Variants in SPRED1 observed in about 807,000 individuals in gnomAD.
SPRED1 encodes the protein sprouty related EVH1 domain containing 1.
A neutral mutation model predicts 52.3 loss-of-function variants in SPRED1; 18 were observed. The ratio of observed to expected loss-of-function variants is 0.34; its 90% confidence interval spans 0.24 to 0.51. SPRED1 has a LOEUF of 0.51. Ranked by LOEUF, SPRED1 falls within the 20% of genes least tolerant of loss-of-function variation. SPRED1 has a pLI of 0.97. For synonymous variants in SPRED1, 155 were observed against 179.7 expected, an observed-to-expected ratio of 0.86 and a Z score of 1.10; for missense variants, 485 against 551.0, an observed-to-expected ratio of 0.88 and a Z score of 1.20.
chr15:38,349,823 C>A (rs1405079780), intron 6 of SPRED1, among the ~76,000 whole-genome samples: 2 of 152,268 alleles, frequency 1.3e-5, no homozygotes, highest in East Asian at 3.9e-4. Flanking sequence ...TTTCTTAGCC[C>A]TAATTCCATG....
intron 1 of SPRED1, among the ~76,000 whole-genome samples, chr15:38,269,601 A>G (rs1030847826): frequency 1.3e-5 from 2 of 151,990 alleles, no homozygotes; most frequent in Admixed American, 1.3e-4. Flanking sequence ...AATGTTTGTT[A>G]CTTTACTGAA....
intron 4 of SPRED1, among the ~76,000 whole-genome samples, chr15:38,338,062 A>AG (rs1462737528): frequency 1.3e-5 from 2 of 149,002 alleles, no homozygotes; most frequent in East Asian, 3.9e-4. Flanking sequence ...AAAAAAAAAA[A>AG]ATAGCTGGGC....
At chr15:38,270,270 C>G (rs550890899) in intron 1 of SPRED1, among the ~76,000 whole-genome samples, 5 of 152,164 alleles carry the variant, frequency 3.3e-5, no homozygotes, top group Non-Finnish European at 7.3e-5. Flanking sequence ...GACATGTTCT[C>G]CATTCACTCT....
chr15:38,295,225 T>C (rs1895009447), intron 1 of SPRED1, among the ~76,000 whole-genome samples: 1 of 152,188 alleles, frequency 6.6e-6, no homozygotes, highest in Non-Finnish European at 1.5e-5. Flanking sequence ...AGAGTGTACC[T>C]ACACAAACCT....
chr15:38,342,043 TCCC>T (rs71418804), intron 5 of SPRED1, among the ~76,000 whole-genome samples: 4 of 120,776 alleles, frequency 3.3e-5, no homozygotes, highest in East Asian at 2.3e-4. Flanking sequence ...TTTTTTTTTT[TCCC>T]CCAGGGTGTC....
chr15:38,253,945 G>A (rs150719660), intron 1 of SPRED1, among the ~76,000 whole-genome samples: 108 of 152,282 alleles, frequency 7.1e-4, no homozygotes, highest in African/African-American at 2.5e-3. Context: ...AATTTACATT[G>A]CTGAATATGT....
chr15:38,312,104 T>C (rs1895380592), intron 2 of SPRED1, among the ~76,000 whole-genome samples: 1 of 152,164 alleles, frequency 6.6e-6, no homozygotes, highest in African/African-American at 2.4e-5. Context: ...TACATACTTT[T>C]TTGTTTAACT....
At chr15:38,298,152 G>A (rs1198222542) in intron 1 of SPRED1, among the ~76,000 whole-genome samples, 4 of 152,046 alleles carry the variant, frequency 2.6e-5, no homozygotes, top group Non-Finnish European at 5.9e-5. Context: ...AATTTAAAAC[G>A]CTGTGGGATA....
intron 2 of SPRED1, 131 bp from the exon 3 acceptor site, chr15:38,322,110 C>T (rs1895614292): frequency 3.5e-6 from 3 of 862,152 alleles, no homozygotes; most frequent in African/African-American, 1.7e-5. Flanking sequence ...TGAAGTAGAC[C>T]ACTTTATTTA....
chr15:38,328,655 G>A (rs1024584103), intron 4 of SPRED1, among the ~76,000 whole-genome samples: 1 of 152,146 alleles, frequency 6.6e-6, no homozygotes, highest in Non-Finnish European at 1.5e-5. Flanking sequence ...ATATTAAGGT[G>A]TGAATGTTCT....
intron 2 of SPRED1, among the ~76,000 whole-genome samples, chr15:38,303,696 T>G (rs1392924987): frequency 6.6e-6 from 1 of 152,058 alleles, no homozygotes; most frequent in Non-Finnish European, 1.5e-5. Context: ...ATAAATTTGC[T>G]AGTATTATTA....
At chr15:38,297,373 T>C (rs973398452) in intron 1 of SPRED1, among the ~76,000 whole-genome samples, 1 of 152,234 alleles carries the variant, frequency 6.6e-6, no homozygotes, top group South Asian at 2.1e-4. Context: ...TTATGTAGTC[T>C]GCTCCCACTG....
At chr15:38,269,208 C>G (rs1444983118) in intron 1 of SPRED1, among the ~76,000 whole-genome samples, 1 of 152,092 alleles carries the variant, frequency 6.6e-6, no homozygotes, top group African/African-American at 2.4e-5. Flanking sequence ...TCCCAAAGTG[C>G]TGGGATTCCA....
At chr15:38,289,716 G>A (rs1894882569) in intron 1 of SPRED1, among the ~76,000 whole-genome samples, 2 of 152,180 alleles carry the variant, frequency 1.3e-5, no homozygotes, top group African/African-American at 4.8e-5. Context: ...GAAGGAGGGA[G>A]CCATGAGCCA....
At chr15:38,289,990 C>G (rs1465023977) in intron 1 of SPRED1, among the ~76,000 whole-genome samples, 1 of 152,082 alleles carries the variant, frequency 6.6e-6, no homozygotes, top group African/African-American at 2.4e-5. Context: ...CTTTATTGTT[C>G]ATGGTGTTTT....
rs1024059753 is a variant in SPRED1, at chr15:38,356,190, A to G, written c.*4526A>G. On this transcript the variant is annotated 3_prime_UTR_variant, in exon 7 of 7. Transcript: ENST00000299084. ...CTGACCTCAAAAGTGCCTCACTTGT[A>G]TATTATTTCCATTAAAAGCTTGACT... The G allele has an allele frequency of 6.6e-6, 1 of 152,120 alleles. No homozygotes were observed. The highest frequency in any genetic ancestry group is 2.4e-5 in the African/African-American group (1 of 41,434). 9.4% of individuals were successfully genotyped at this position (152,120 alleles called of 1,614,324 possible). A position where few individuals can be genotyped will look rare whatever the true frequency, so the allele number is the denominator to read the frequency against.
chr15:38,304,992 C>T (rs1895222555), intron 2 of SPRED1, among the ~76,000 whole-genome samples: 2 of 152,042 alleles, frequency 1.3e-5, no homozygotes. Context: ...CCTTAGTTGA[C>T]AATAAAGGAA....
chr15:38,335,389 G>A (rs944774337), intron 4 of SPRED1, among the ~76,000 whole-genome samples: 19 of 151,900 alleles, frequency 1.3e-4, no homozygotes, highest in African/African-American at 4.6e-4. Flanking sequence ...AATAAGACAG[G>A]CAAAAAAAGA....
intron 6 of SPRED1, among the ~76,000 whole-genome samples, 154 bp from the exon 7 acceptor site, chr15:38,350,860 C>A (rs1888467618): frequency 6.6e-6 from 1 of 152,142 alleles, no homozygotes; most frequent in Non-Finnish European, 1.5e-5. Context: ...TCCTCATAGT[C>A]CACCAACTGA....
Sources: gnomAD v4.1 joint callset for allele counts (sites outside exome capture counted in the v4.1 genomes callset) on GRCh38, gnomAD v4.1.1 for gene constraint, MANE v1.5 for transcripts, NCBI Gene and HGNC (gene_info 2026-07-23, HGNC 2026-07-21) for gene names.